CYB5R3: variants seen among roughly 807,000 people sequenced by gnomAD.
The protein encoded by CYB5R3 is cytochrome b5 reductase 3.
Under a neutral mutation model 36.5 loss-of-function variants are expected in CYB5R3, and 28 were observed. The observed-to-expected ratio is 0.77, with a 90% CI of 0.57 to 1.05. The LOEUF (loss-of-function observed/expected upper bound fraction) is 1.05, where lower values mean the gene tolerates loss of function less well. CYB5R3 is among the 50% of genes least tolerant of loss of function. The probability of loss-of-function intolerance (pLI) is 0.00; values close to 1 mark genes in which losing one functional copy is unlikely to be tolerated. For synonymous variants in CYB5R3, 181 were observed against 159.8 expected (o/e 1.13, Z -1.00); for missense variants, 474 against 408.9 (o/e 1.16, Z -1.37).
chr22:42,638,193 C>T (rs1049485385), intron 1 of CYB5R3, among the ~76,000 whole-genome samples: 7 of 151,960 alleles, frequency 4.6e-5, no homozygotes, highest in South Asian at 2.1e-4. Context: ...GTCAGGAGTT[C>T]GAGACCAGCC....
chr22:42,639,825 T>C (rs897138660), intron 1 of CYB5R3: 1 of 1,015,036 alleles, frequency 9.9e-7, no homozygotes, highest in Non-Finnish European at 1.4e-6. Flanking sequence ...TGAACATGGG[T>C]TGGAACTGCT....
rs121965009 is a variant in CYB5R3, at chr22:42,630,899, C to T, written c.316G>A (p.Val106Met). 2.7e-5 allele frequency: 43 copies of T among 1,613,470 alleles called. No individual in the cohort carries two copies. The highest frequency in any genetic ancestry group is 3.3e-5 in the Non-Finnish European group (39 of 1,179,734). The change falls in exon 4 of 9, where the codon GTG (valine) becomes ATG (methionine). Residue 106 changes from valine to methionine, a missense_variant. Val to Met is a conservative substitution (Grantham distance 21, BLOSUM62 1). Coordinates refer to ENST00000352397, the MANE Select transcript of CYB5R3 (RefSeq NM_000398.7). ...GGCTTCACCTTGATGACCAGGTCCA[C>T]GAAGCCCTTGTCATCATCGCTGGAG... is the stretch of plus-strand genomic sequence containing the variant. The part of the protein sequence containing the change: ...PISSDDDKGF[V>M]DLVIKVYFKD...
rs1927806352 is a variant in CYB5R3, at chr22:42,619,147, TGGAA to T, written c.*622_*625del. 1 of 153,034 alleles carries T rather than the reference TGGAA, an allele frequency of 6.5e-6. No homozygotes were observed. Among genetic ancestry groups the T allele is most frequent in the Non-Finnish European group, 1.5e-5 (1 of 68,704 alleles). The allele number at this position is 153,034 out of a possible 1,614,324, so 9.5% of individuals were successfully genotyped here. On this transcript the variant is annotated 3_prime_UTR_variant, in exon 9 of 9. Coordinates refer to ENST00000352397, the MANE Select transcript of CYB5R3 (RefSeq NM_000398.7). Reference sequence around the variant, plus strand: ...AGGCTGCCTCAGTGTTTGGATGGGCTGGAAGGAAATGCTGAGGTTCTGGGAGGGC... The same window carrying T: ...AGGCTGCCTCAGTGTTTGGATGGGCTGGAAATGCTGAGGTTCTGGGAGGGC...
In CYB5R3 at chr22:42,648,134, A is replaced by G. The variant is rs8190378; in HGVS notation, c.21+1161T>C. Among the ~76,000 whole-genome samples, 240 of 151,994 alleles carry G rather than the reference A, an allele frequency of 1.6e-3. 3 individuals carry two copies. In the Middle Eastern group the frequency reaches 0.021, roughly 13 times the overall value. ...GGCCAAGGTTGCCTGGGGTCTGAAC[A>G]TCCCGAAGTTCTGGGTTGGGCCACA... On this transcript the variant is annotated intron_variant, in intron 1 of 8. Coordinates refer to ENST00000352397, the MANE Select transcript of CYB5R3 (RefSeq NM_000398.7).
chr22:42,631,124 C>G, intron 3 of CYB5R3, 136 bp from the exon 4 acceptor site: 2 of 877,108 alleles, frequency 2.3e-6, no homozygotes, highest in Non-Finnish European at 3.7e-6. Flanking sequence ...CCCCCTCCCA[C>G]CCCTCCCGGG....
rs1395457799 is a variant in CYB5R3, at chr22:42,628,269, C to T, written c.346G>A (p.Asp116Asn). Residue 116 changes from aspartate to asparagine, a missense_variant, in exon 5 of 9, where the codon GAC becomes AAC. Physicochemically the swap from Asp to Asn is conservative, Grantham distance 23. Transcript: ENST00000352397. ...CCAGCGGGAAACTTGGGATGGGTGTCCTTGAAGTAAACCTGCAAGACACCC... is the reference window on the plus strand; with the variant it reads ...CCAGCGGGAAACTTGGGATGGGTGTTCTTGAAGTAAACCTGCAAGACACCC... ...VDLVIKVYFKDTHPKFPAGGK... is the reference protein window; with the variant it reads ...VDLVIKVYFKNTHPKFPAGGK... 2 of 1,614,018 alleles carry T rather than the reference C, an allele frequency of 1.2e-6. No homozygotes were observed. The highest frequency in any genetic ancestry group is 4.5e-5 in the East Asian group (2 of 44,872).
chr22:42,628,578 T>C (rs911280419), intron 4 of CYB5R3, among the ~76,000 whole-genome samples: 3 of 152,042 alleles, frequency 2.0e-5, no homozygotes, highest in Admixed American at 1.3e-4. Flanking sequence ...ACCAACTGTC[T>C]CTGGGGCCCC....
intron 7 of CYB5R3, among the ~76,000 whole-genome samples, chr22:42,624,674 G>A (rs1569317391): frequency 6.6e-6 from 1 of 151,160 alleles, no homozygotes; most frequent in Non-Finnish European, 1.5e-5. Context: ...GGACAGAAGG[G>A]GCTCCTTAGG....
chr22:42,640,001 T>G, intron 1 of CYB5R3: 1 of 1,612,690 alleles, frequency 6.2e-7, no homozygotes, highest in Non-Finnish European at 8.5e-7. Context: ...TTGCCTGTGA[T>G]CTCTCTGACA....
intron 2 of CYB5R3, 94 bp downstream of exon 2, chr22:42,636,621 T>G: frequency 1.9e-6 from 3 of 1,546,158 alleles, no homozygotes; most frequent in Non-Finnish European, 2.6e-6. Context: ...TGGACAACAG[T>G]ATCTACTTCA....
At chr22:42,638,728 T>TTAAAAAAAA (rs1569324852) in intron 1 of CYB5R3, among the ~76,000 whole-genome samples, 2 of 47,520 alleles carry the variant, frequency 4.2e-5, no homozygotes, top group African/African-American at 2.2e-4. Context: ...CAAGACTCCA[T>TTAAAAAAAA]AAAAAAAAAA....
intron 2 of CYB5R3, chr22:42,632,016 T>C (rs1368206084): frequency 1.9e-5 from 3 of 158,850 alleles, no homozygotes; most frequent in African/African-American, 7.2e-5. Flanking sequence ...AAAGCCAGGC[T>C]TCCACCCTGC....
chr22:42,627,947 C>T (rs780108786), intron 5 of CYB5R3, among the ~76,000 whole-genome samples: 10 of 152,078 alleles, frequency 6.6e-5, no homozygotes, highest in Admixed American at 1.3e-4. Context: ...AGACGTGGCC[C>T]CCAGGAGTGG....
At chr22:42,627,242 C>T in intron 7 of CYB5R3, 62 bp downstream of exon 7, 1 of 1,400,798 alleles carries the variant, frequency 7.1e-7, no homozygotes, top group South Asian at 1.2e-5. Flanking sequence ...CAGCACCTGA[C>T]CAGGCCCGAA....
At chr22:42,639,365 C>T (rs139626388) in intron 1 of CYB5R3, among the ~76,000 whole-genome samples, 2,845 of 148,996 alleles carry the variant, frequency 0.019, 93 homozygotes, top group African/African-American at 0.067. Flanking sequence ...CGGTGGCTCA[C>T]GCCTGTAATC....
At position 42,623,806 on chromosome 22, in the gene CYB5R3, A is replaced by C. The variant is rs1197749779; in HGVS notation, c.716T>G (p.Leu239Arg). 1.9e-6 allele frequency: 3 copies of C among 1,614,018 alleles called. No individual in the cohort carries two copies. The highest frequency in any genetic ancestry group is 4.5e-5 in the East Asian group (2 of 44,876). Residue 239 changes from leucine (L) to arginine (R), a missense_variant, in exon 8 of 9, where the codon CTG becomes CGG. Physicochemically the swap from Leu to Arg is moderately radical, Grantham distance 102 (BLOSUM62 -2). Transcript: ENST00000352397. ...TCACTCACCTTCAGGGGCTCTGTCC[A>C]GCGTGTACCAGAGCTTGAAGCGTGC... is the stretch of plus-strand genomic sequence containing the variant. Reference protein sequence around the residue: ...HSARFKLWYTLDRAPEAWDYG... With the variant: ...HSARFKLWYTRDRAPEAWDYG...
At chr22:42,628,684 T>C (rs1282588880) in intron 4 of CYB5R3, among the ~76,000 whole-genome samples, 1 of 152,178 alleles carries the variant, frequency 6.6e-6, no homozygotes, top group Non-Finnish European at 1.5e-5. Flanking sequence ...TCCCTTCCGT[T>C]TTGTGCTGTC....
At chr22:42,639,131 A>T in intron 1 of CYB5R3, 1 of 387,918 alleles carries the variant, frequency 2.6e-6, no homozygotes, top group South Asian at 1.8e-5. Flanking sequence ...GAAGTTCGAG[A>T]CCAGCCTGGC....
At chr22:42,635,236 G>T (rs1382171566) in intron 2 of CYB5R3, among the ~76,000 whole-genome samples, 1 of 152,052 alleles carries the variant, frequency 6.6e-6, no homozygotes, top group Non-Finnish European at 1.5e-5. Context: ...CCAAAGTGCT[G>T]GGATTACAGG....
Sources: gnomAD v4.1 joint callset for allele counts (sites outside exome capture counted in the v4.1 genomes callset) on GRCh38, gnomAD v4.1.1 for gene constraint, MANE v1.5 for transcripts, NCBI Gene and HGNC (gene_info 2026-07-23, HGNC 2026-07-21) for gene names.